The following MTREX variants were observed in gnomAD, a reference collection of about 807,000 sequenced individuals.
MTREX encodes Mtr4 exosome RNA helicase.
MTREX carries 76 observed loss-of-function variants against 135.4 expected under a neutral mutation model. That is an observed-to-expected ratio of 0.56 (90% confidence interval 0.47 to 0.68). The LOEUF is 0.68. Among genes scored for constraint, MTREX ranks in the 30% least tolerant of loss-of-function variants. MTREX has a pLI of 0.00. For missense variants in MTREX, 920 were observed against 1,262.1 expected, an observed-to-expected ratio of 0.73 and a Z score of 4.11; for synonymous variants, 404 against 401.6, an observed-to-expected ratio of 1.01 and a Z score of -0.07.
chr5:55,329,890 C>T (rs1330695181), intron 5 of MTREX, among the ~76,000 whole-genome samples: 1 of 151,254 alleles, frequency 6.6e-6, no homozygotes, highest in African/African-American at 2.4e-5. Flanking sequence ...TTTTTGCAGT[C>T]CTCAGGGCTC....
At chr5:55,347,963 G>A (rs562570160) in intron 11 of MTREX, among the ~76,000 whole-genome samples, 6 of 152,238 alleles carry the variant, frequency 3.9e-5, no homozygotes, top group Admixed American at 2.0e-4. Context: ...TCACTGTCAC[G>A]AGAGCAGCAC....
chr5:55,339,952 T>C (rs77539735), intron 5 of MTREX, 58 bp from the exon 6 acceptor site: 51,531 of 1,314,932 alleles, frequency 0.039, 1,165 homozygotes, highest in Non-Finnish European at 0.045. Flanking sequence ...ATTAACAGAA[T>C]TTTTAAAGTC....
intron 25 of MTREX, among the ~76,000 whole-genome samples, chr5:55,420,462 A>T (rs1436750624): frequency 1.3e-5 from 2 of 152,232 alleles, no homozygotes; most frequent in African/African-American, 4.8e-5. Context: ...GTTGGTGCCA[A>T]AGTAATTGTG....
At chr5:55,406,209 C>T (rs913965879) in intron 22 of MTREX, among the ~76,000 whole-genome samples, 4 of 152,148 alleles carry the variant, frequency 2.6e-5, no homozygotes, top group Non-Finnish European at 4.4e-5. Context: ...TGACTTTATC[C>T]TCTTATTGTT....
At chr5:55,316,189 C>T (rs1444262074) in intron 1 of MTREX, among the ~76,000 whole-genome samples, 1 of 152,080 alleles carries the variant, frequency 6.6e-6, no homozygotes, top group Admixed American at 6.6e-5. Flanking sequence ...GGATTCACAG[C>T]AGAATTCTAC....
chr5:55,343,215 C>T, intron 7 of MTREX, 116 bp from the exon 8 acceptor site: 1 of 918,600 alleles, frequency 1.1e-6, no homozygotes, highest in Non-Finnish European at 1.6e-6. Flanking sequence ...TTAAAATATT[C>T]TTGAGTAAAG....
At chr5:55,324,353 A>T (rs1749336636) in intron 3 of MTREX, 155 bp downstream of exon 3, 2 of 342,886 alleles carry the variant, frequency 5.8e-6, no homozygotes, top group Admixed American at 4.8e-5. Flanking sequence ...GGGCTTTGTA[A>T]TTAAACTTGG....
intron 1 of MTREX, among the ~76,000 whole-genome samples, chr5:55,311,659 T>C (rs191649209): frequency 2.0e-4 from 31 of 152,346 alleles, no homozygotes; most frequent in Admixed American, 1.6e-3. Flanking sequence ...CTCACGTAGC[T>C]GTTGAGCACT....
chr5:55,330,653 A>G (rs897539232), intron 5 of MTREX, among the ~76,000 whole-genome samples: 2 of 146,288 alleles, frequency 1.4e-5, no homozygotes, highest in Non-Finnish European at 1.5e-5. Flanking sequence ...TTATAATGTG[A>G]CTGAGATAGT....
intron 13 of MTREX, among the ~76,000 whole-genome samples, chr5:55,352,421 G>A (rs1355264686): frequency 6.6e-6 from 1 of 151,826 alleles, no homozygotes; most frequent in East Asian, 1.9e-4. Context: ...GTACTTGTTG[G>A]GTGTAAAATT....
At chr5:55,314,240 A>G (rs752899831) in intron 1 of MTREX, among the ~76,000 whole-genome samples, 9 of 152,164 alleles carry the variant, frequency 5.9e-5, no homozygotes, top group Non-Finnish European at 1.0e-4. Context: ...GAGATGTACC[A>G]TTTTGTGTTT....
chr5:55,380,979 A>T lies in MTREX; in HGVS notation c.2052+1784A>T, dbSNP rs183982156. Among the ~76,000 whole-genome samples, 10 of 152,254 alleles carry T rather than the reference A, an allele frequency of 6.6e-5. No homozygotes were observed. The South Asian group carries it at 2.1e-3, about 32-fold the overall frequency. ...GCCACTTCGGCCTGTGCTCTTCTTT[A>T]TGGGTACTTTACTAAGAGATTACTA... On this transcript the variant is annotated intron_variant, in intron 18 of 26. Coordinates refer to ENST00000230640, the MANE Select transcript of MTREX (RefSeq NM_015360.5).
chr5:55,378,592 CA>C, intron 17 of MTREX, 106 bp downstream of exon 17: 1 of 1,231,736 alleles, frequency 8.1e-7, no homozygotes, highest in East Asian at 2.7e-5. Flanking sequence ...CTTCCTGCTA[CA>C]ATAGTTGATC....
chr5:55,398,246 GA>G (rs1178055026), intron 20 of MTREX, among the ~76,000 whole-genome samples: 166 of 131,700 alleles, frequency 1.3e-3, no homozygotes, highest in African/African-American at 3.7e-3. Flanking sequence ...TCTCTTTTAA[GA>G]AAAAAAAAAA....
intron 14 of MTREX, among the ~76,000 whole-genome samples, chr5:55,355,579 G>A (rs1398045605): frequency 6.6e-6 from 1 of 152,198 alleles, no homozygotes; most frequent in East Asian, 1.9e-4. Flanking sequence ...CTGGACCCTG[G>A]GGCAACCCTG....
rs1749300690 is a variant in MTREX, at chr5:55,322,246, G to A, written c.135-81G>A. 4 of 1,218,988 alleles carry A rather than the reference G, an allele frequency of 3.3e-6. No individual in the cohort carries two copies. In the South Asian group the frequency reaches 5.1e-5, roughly 16 times the overall value. The allele number at this position is 1,218,988 out of a possible 1,614,324, so 75.5% of individuals were successfully genotyped here. The stretch of plus-strand genomic sequence containing the variant: ...TTTAAAACATGACTTTCTGTTAATG[G>A]TATAGAGCAGTATTTTATGATGTTG... On this transcript the variant is annotated intron_variant, in intron 1 of 26. Transcript: ENST00000230640.
At position 55,344,385 on chromosome 5, in the gene MTREX, G is replaced by A. The variant is rs1018855296; in HGVS notation, c.907-137G>A. 16 of 611,962 alleles carry A rather than the reference G, an allele frequency of 2.6e-5. 1 individual carries two copies. In the East Asian group the frequency reaches 3.3e-4, roughly 13 times the overall value. 37.9% of individuals were successfully genotyped at this position (611,962 alleles called of 1,614,324 possible). On this transcript the variant is annotated intron_variant, in intron 8 of 26. Transcript: ENST00000230640. ...ACGTTTTTCTCTTGCCTGGGTTTTAGTGAATTTTTTGAAGTGTTTTCTTTT... is the reference window on the plus strand; with the variant it reads ...ACGTTTTTCTCTTGCCTGGGTTTTAATGAATTTTTTGAAGTGTTTTCTTTT...
At chr5:55,349,822 A>G (rs543414692) in intron 12 of MTREX, among the ~76,000 whole-genome samples, 170 bp downstream of exon 12, 91 of 152,330 alleles carry the variant, frequency 6.0e-4, no homozygotes, top group African/African-American at 2.0e-3. Flanking sequence ...CAAAAAGGCA[A>G]TAGGAAGAAA....
At chr5:55,351,140 A>T in intron 13 of MTREX, 111 bp downstream of exon 13, 1 of 1,243,134 alleles carries the variant, frequency 8.0e-7, no homozygotes. Flanking sequence ...AGGCTTAATG[A>T]AATGACTTAA....
Sources: allele counts gnomAD v4.1 joint callset (sites outside exome capture counted in the v4.1 genomes callset), GRCh38; gene constraint gnomAD v4.1.1; transcripts MANE v1.5; gene names NCBI Gene and HGNC (gene_info 2026-07-23, HGNC 2026-07-21).